The following GRAMD1B variants were observed in gnomAD, a reference collection of about 807,000 sequenced individuals.
GRAMD1B encodes the protein protein Aster-B.
In GRAMD1B, 37 loss-of-function variants were observed where a neutral mutation model predicts 99.7. The observed-to-expected ratio is 0.37, with a 90% CI of 0.29 to 0.49. GRAMD1B has a LOEUF of 0.49. Ranked by LOEUF, GRAMD1B falls within the 20% of genes least tolerant of loss-of-function variation. The probability of loss-of-function intolerance (pLI) is 0.98; values close to 1 mark genes in which losing one functional copy is unlikely to be tolerated. For missense variants in GRAMD1B, 888 were observed against 1,009.2 expected, an observed-to-expected ratio of 0.88 and a Z score of 1.63; for synonymous variants, 427 against 387.6, an observed-to-expected ratio of 1.10 and a Z score of -1.19.
chr11:123,612,251 G>C (rs1003457230), intron 14 of GRAMD1B, among the ~76,000 whole-genome samples: 7 of 152,208 alleles, frequency 4.6e-5, no homozygotes, highest in Middle Eastern at 3.4e-3. Flanking sequence ...AGAGATGGGG[G>C]TCTCACTCTG....
At chr11:123,549,228 A>G (rs1249856576) in intron 2 of GRAMD1B, among the ~76,000 whole-genome samples, 1 of 152,050 alleles carries the variant, frequency 6.6e-6, no homozygotes, top group Non-Finnish European at 1.5e-5. Flanking sequence ...TCTTCTTAAC[A>G]CTTGCAGAGC....
chr11:123,600,496 A>T lies in GRAMD1B; in HGVS notation c.998A>T (p.Asp333Val). ...TTCTTCACTTCGTTTGGGGCCCGGG[A>T]TAGGACATATATGATGATGTTCCGG... ...KHFFTSFGAR[D>V]RTYMMMFRLW... The change falls in exon 8 of 20, where the codon GAT becomes GTT. Residue 333 changes from aspartate to valine, a missense_variant. Asp to Val is a radical substitution (Grantham distance 152, BLOSUM62 -3). This residue lies in a region of GRAMD1B where 269 missense variants were observed against 296.6 expected (regional missense o/e 0.91). Coordinates refer to ENST00000635736, the MANE Select transcript of GRAMD1B (RefSeq NM_001387025.1). 6.2e-7 allele frequency: 1 copy of T among 1,612,200 alleles called. No individual in the cohort carries two copies. Among genetic ancestry groups the T allele is most frequent in the Non-Finnish European group, 8.5e-7 (1 of 1,178,618 alleles).
intron 17 of GRAMD1B, 157 bp from the exon 18 acceptor site, chr11:123,618,532 TTCTC>T (rs139024835): frequency 3.0e-5 from 24 of 812,356 alleles, no homozygotes; most frequent in African/African-American, 2.7e-4. Context: ...ATTAGGTTGC[TTCTC>T]TCTCTCTCTC....
intron 2 of GRAMD1B, among the ~76,000 whole-genome samples, chr11:123,488,815 G>A (rs77951400): frequency 0.032 from 4,935 of 152,298 alleles, 238 homozygotes; most frequent in African/African-American, 0.1. Context: ...GATGCTCAAG[G>A]GAGACAGGAA....
At chr11:123,486,879 G>T (rs1196455729) in intron 2 of GRAMD1B, among the ~76,000 whole-genome samples, 1 of 152,072 alleles carries the variant, frequency 6.6e-6, no homozygotes, top group Non-Finnish European at 1.5e-5. Context: ...GAGACCAGCC[G>T]CCAACATGGC....
chr11:123,613,831 TA>T, intron 16 of GRAMD1B, among the ~76,000 whole-genome samples, 173 bp downstream of exon 16: 1 of 152,348 alleles, frequency 6.6e-6, no homozygotes, highest in East Asian at 1.9e-4. Flanking sequence ...CTTTGCTCTT[TA>T]AGTTCCTCAG....
At chr11:123,584,467 C>T (rs2136352997) in intron 4 of GRAMD1B, 135 bp downstream of exon 4, 1 of 1,144 alleles carries the variant, frequency 8.7e-4, no homozygotes, top group East Asian at 0.016. Context: ...GCTCCTAAAC[C>T]AGCTGCAGCG....
At chr11:123,526,680 T>C (rs886783802) in intron 2 of GRAMD1B, among the ~76,000 whole-genome samples, 2 of 152,096 alleles carry the variant, frequency 1.3e-5, no homozygotes, top group Non-Finnish European at 2.9e-5. Flanking sequence ...AGGCTCCATC[T>C]TCTAGGATGC....
At chr11:123,458,610 A>G (rs1312373719) in intron 1 of GRAMD1B, 2 of 152,216 alleles carry the variant, frequency 1.3e-5, no homozygotes, top group African/African-American at 2.4e-5. Context: ...GAAAATGGTC[A>G]TAAAGAATTT....
At chr11:123,417,695 G>C (rs370235451) in intron 1 of GRAMD1B, among the ~76,000 whole-genome samples, 1 of 152,284 alleles carries the variant, frequency 6.6e-6, no homozygotes, top group South Asian at 2.1e-4. Context: ...CCAGCACTTT[G>C]GGAGGCCAAG....
chr11:123,426,647 G>C (rs1204864086), upstream of GRAMD1B, among the ~76,000 whole-genome samples: 1 of 152,174 alleles, frequency 6.6e-6, no homozygotes, highest in African/African-American at 2.4e-5. Context: ...AGTGTTGAGA[G>C]TGGGGATTGT....
chr11:123,467,904 G>A (rs186734912), intron 1 of GRAMD1B, among the ~76,000 whole-genome samples: 49 of 137,340 alleles, frequency 3.6e-4, no homozygotes, highest in African/African-American at 1.2e-3. Context: ...TCGTTCTGTC[G>A]CCAAGCTGGA....
intron 1 of GRAMD1B, among the ~76,000 whole-genome samples, chr11:123,472,853 C>T (rs1256488384): frequency 6.6e-6 from 1 of 152,176 alleles, no homozygotes; most frequent in African/African-American, 2.4e-5. Context: ...GATGGAGCCA[C>T]CATTTTGAAC....
At chr11:123,594,919 A>T in intron 6 of GRAMD1B, 81 bp downstream of exon 6, 1 of 777,402 alleles carries the variant, frequency 1.3e-6, no homozygotes, top group Admixed American at 1.8e-5. Flanking sequence ...CCTTTTGCTG[A>T]CTTCATGCTC....
chr11:123,474,784 T>C (rs1951185359), intron 1 of GRAMD1B, among the ~76,000 whole-genome samples: 1 of 152,188 alleles, frequency 6.6e-6, no homozygotes, highest in African/African-American at 2.4e-5. Context: ...AGCTTCTAAT[T>C]AGCATGAGAT....
At chr11:123,378,052 T>C (rs779694421) in intron 1 of GRAMD1B, among the ~76,000 whole-genome samples, 47 of 152,338 alleles carry the variant, frequency 3.1e-4, no homozygotes, top group Non-Finnish European at 5.6e-4. Context: ...ACCTATGTGT[T>C]CTAGTGGTCA....
chr11:123,412,199 G>A (rs1948075838), intron 1 of GRAMD1B, among the ~76,000 whole-genome samples: 1 of 151,968 alleles, frequency 6.6e-6, no homozygotes, highest in South Asian at 2.1e-4. Flanking sequence ...CTTTTTTAGT[G>A]GAAATATAAC....
chr11:123,603,525 G>A lies in GRAMD1B; in HGVS notation c.1150G>A (p.Asp384Asn), dbSNP rs895281458. ...DDEDYVPPDD[D>N]FNTMGYCEEI... ...CGAGGACTACGTGCCCCCTGACGAC[G>A]ACTTCAACACAATGGGGTGAGTGAG... Residue 384 changes from aspartate to asparagine, a missense_variant, in exon 9 of 20, where the codon GAC (aspartate) becomes AAC (asparagine). Asp to Asn is a conservative substitution (Grantham distance 23, BLOSUM62 1). This residue lies in a region of GRAMD1B where 269 missense variants were observed against 296.6 expected (regional missense o/e 0.91). Coordinates refer to ENST00000635736, the MANE Select transcript of GRAMD1B (RefSeq NM_001387025.1). 5.0e-6 allele frequency: 8 copies of A among 1,610,112 alleles called. No homozygotes were observed. Among genetic ancestry groups the A allele is most frequent in the African/African-American group, 1.3e-5 (1 of 74,988 alleles).
intron 1 of GRAMD1B, among the ~76,000 whole-genome samples, chr11:123,371,924 T>C (rs1373744777): frequency 1.3e-5 from 2 of 152,138 alleles, no homozygotes; most frequent in African/African-American, 2.4e-5. Context: ...CTGTTCTACA[T>C]ACAAATACCA....
Sources: allele counts gnomAD v4.1 joint callset (sites outside exome capture counted in the v4.1 genomes callset), GRCh38; gene constraint gnomAD v4.1.1; regional missense constraint gnomAD v4.1.1; transcripts MANE v1.5; gene names NCBI Gene and HGNC (gene_info 2026-07-23, HGNC 2026-07-21).